The following SYNJ2 variants were observed in gnomAD, a reference collection of about 807,000 sequenced individuals.
The protein encoded by SYNJ2 is polyphosphatidylinositol phosphatase SYNJ2.
SYNJ2 carries 116 observed loss-of-function variants against 141.3 expected under a neutral mutation model. The ratio of observed to expected loss-of-function variants is 0.82; its 90% CI spans 0.71 to 0.96. SYNJ2 has a LOEUF of 0.96. SYNJ2 is among the 40% of genes least tolerant of loss of function. The pLI, the probability that SYNJ2 is intolerant of heterozygous loss-of-function variation, is 0.00. For missense variants in SYNJ2, 1,873 were observed against 1,934.8 expected (o/e 0.97, Z 0.60); for synonymous variants, 745 against 777.7 (o/e 0.96, Z 0.70).
At chr6:158,094,180 C>T (rs1783653910) in intron 26 of SYNJ2, 4 of 571,972 alleles carry the variant, frequency 7.0e-6, no homozygotes, top group Middle Eastern at 9.7e-4. Context: ...GCCATCTGTC[C>T]CTTGTCCATG....
chr6:157,983,830 A>C (rs1397940355), intron 1 of SYNJ2, among the ~76,000 whole-genome samples: 1 of 151,578 alleles, frequency 6.6e-6, no homozygotes, highest in African/African-American at 2.4e-5. Flanking sequence ...TTTAAAAAAA[A>C]ATTTTTTTTT....
intron 25 of SYNJ2, among the ~76,000 whole-genome samples, chr6:158,090,544 T>TG (rs1435817084): frequency 4.4e-5 from 6 of 136,900 alleles, no homozygotes; most frequent in Non-Finnish European, 9.1e-5. Flanking sequence ...TTTTTTTTGT[T>TG]TTTTTTTTTT....
intron 2 of SYNJ2, chr6:158,017,616 A>G (rs1016529195): frequency 1.3e-4 from 52 of 396,952 alleles, no homozygotes; most frequent in Admixed American, 6.7e-4. Context: ...GGGTTTTTCC[A>G]TGTTGGTCAG....
intron 5 of SYNJ2, among the ~76,000 whole-genome samples, chr6:158,049,678 G>A (rs1448148724): frequency 1.3e-5 from 2 of 152,214 alleles, no homozygotes; most frequent in Non-Finnish European, 2.9e-5. Context: ...GCTGAGCCTG[G>A]TCATGGTGTC....
intron 5 of SYNJ2, among the ~76,000 whole-genome samples, chr6:158,052,907 T>C (rs893204438): frequency 1.3e-5 from 2 of 152,222 alleles, no homozygotes; most frequent in African/African-American, 2.4e-5. Context: ...AATTGATCAC[T>C]TGTCTCAGTG....
chr6:158,023,016 G>A (rs7753539), intron 2 of SYNJ2, among the ~76,000 whole-genome samples: 57,002 of 152,030 alleles, frequency 0.37, 10,997 homozygotes, highest in Middle Eastern at 0.5. Context: ...TCAGGGGGCC[G>A]AGGCAGGAGG....
intron 25 of SYNJ2, among the ~76,000 whole-genome samples, chr6:158,092,499 G>A (rs1222930916): frequency 6.6e-6 from 1 of 152,198 alleles, no homozygotes; most frequent in East Asian, 1.9e-4. Flanking sequence ...AATTAGCTGG[G>A]CGTGGTGGTT....
chr6:158,046,790 A>G (rs1780259290), intron 5 of SYNJ2, among the ~76,000 whole-genome samples: 1 of 152,194 alleles, frequency 6.6e-6, no homozygotes. Context: ...TTGAAATTTT[A>G]CCCTTAAAGC....
rs924665082 is a variant in SYNJ2 at position 158,097,266 on chromosome 6, C to T, written c.*902C>T. On this transcript the variant is annotated 3_prime_UTR_variant, in exon 27 of 27. Coordinates refer to ENST00000355585, the MANE Select transcript of SYNJ2 (RefSeq NM_003898.4). ...TGTTAGAATATGGAGAGTGTTTCAGCCTCGTCTGTCCGGCTGGAGCTTCGG... is the reference window on the plus strand; with the variant it reads ...TGTTAGAATATGGAGAGTGTTTCAGTCTCGTCTGTCCGGCTGGAGCTTCGG... 1 of 152,234 alleles carries T rather than the reference C, an allele frequency of 6.6e-6. No individual in the cohort carries two copies. The highest frequency in any genetic ancestry group is 1.5e-5 in the Non-Finnish European group (1 of 68,044). The allele number at this position is 152,234 out of a possible 1,614,324, so 9.4% of individuals were successfully genotyped here. A position where few individuals can be genotyped will look rare whatever the true frequency, so the allele number is the denominator to read the frequency against.
At chr6:158,052,247 C>A (rs1305012305) in intron 5 of SYNJ2, among the ~76,000 whole-genome samples, 1 of 152,190 alleles carries the variant, frequency 6.6e-6, no homozygotes, top group South Asian at 2.1e-4. Context: ...TAATTTCAGA[C>A]CTACAGAAAA....
intron 1 of SYNJ2, among the ~76,000 whole-genome samples, chr6:157,992,714 C>CTTGT (rs1777496990): frequency 6.6e-6 from 1 of 151,706 alleles, no homozygotes; most frequent in South Asian, 2.1e-4. Context: ...GGCTGGCTGG[C>CTTGT]TTGTTTCACT....
intron 2 of SYNJ2, chr6:158,017,801 T>G (rs1203916849): frequency 1.9e-6 from 1 of 531,334 alleles, no homozygotes; most frequent in African/African-American, 1.9e-5. Context: ...TCAAGGTGAG[T>G]GTTGCCTGGT....
chr6:158,091,361 A>G (rs1484224248), intron 25 of SYNJ2, among the ~76,000 whole-genome samples: 12 of 151,950 alleles, frequency 7.9e-5, no homozygotes. Context: ...AACTATGGAT[A>G]TAACAACCCA....
intron 5 of SYNJ2, among the ~76,000 whole-genome samples, chr6:158,053,933 C>T (rs1490429439): frequency 4.0e-5 from 6 of 151,334 alleles, no homozygotes; most frequent in African/African-American, 1.2e-4. Flanking sequence ...TTCTCTTATC[C>T]ACCTTTCTAT....
At chr6:158,008,487 C>T (rs930555762) in intron 1 of SYNJ2, among the ~76,000 whole-genome samples, 2 of 152,148 alleles carry the variant, frequency 1.3e-5, no homozygotes, top group Middle Eastern at 3.2e-3. Context: ...GGGTGGGCCC[C>T]GTAACTTGTA....
intron 5 of SYNJ2, among the ~76,000 whole-genome samples, chr6:158,047,067 G>T (rs547878407): frequency 5.3e-5 from 8 of 152,174 alleles, no homozygotes; most frequent in Non-Finnish European, 8.8e-5. Flanking sequence ...GAGTCGTGGC[G>T]CTGGATGGGC....
chr6:158,068,251 G>A (rs946592436), intron 12 of SYNJ2, among the ~76,000 whole-genome samples: 4 of 152,076 alleles, frequency 2.6e-5, no homozygotes, highest in Admixed American at 2.0e-4. Flanking sequence ...CGCTGACAGA[G>A]GCCATGTCCT....
At chr6:158,059,412 G>A (rs775661366) in intron 7 of SYNJ2, 59 bp downstream of exon 7, 30 of 1,541,590 alleles carry the variant, frequency 1.9e-5, no homozygotes, top group Admixed American at 1.2e-4. Flanking sequence ...ATGGTGGAGC[G>A]TTGAGCCTGG....
intron 1 of SYNJ2, among the ~76,000 whole-genome samples, chr6:157,986,480 T>C (rs544943665): frequency 2.6e-5 from 4 of 152,252 alleles, no homozygotes; most frequent in Admixed American, 1.3e-4. Flanking sequence ...ACTACAGGCA[T>C]GCACCACCAC....
Sources: gnomAD v4.1 joint callset for allele counts (sites outside exome capture counted in the v4.1 genomes callset) on GRCh38, gnomAD v4.1.1 for gene constraint, MANE v1.5 for transcripts, NCBI Gene and HGNC (gene_info 2026-07-23, HGNC 2026-07-21) for gene names.